Variants in FETUB observed in about 807,000 individuals in gnomAD.
FETUB encodes the protein fetuin-B.
A neutral mutation model predicts 30.9 loss-of-function variants in FETUB; 28 were observed. The ratio of observed to expected loss-of-function variants is 0.90; its 90% confidence interval spans 0.67 to 1.24. FETUB has a LOEUF of 1.24. FETUB is among the 50% of genes most tolerant of loss of function. The pLI is 0.00. For synonymous variants in FETUB, 186 were observed against 175.9 expected, an observed-to-expected ratio of 1.06 and a Z score of -0.45; for missense variants, 469 against 455.3, an observed-to-expected ratio of 1.03 and a Z score of -0.27.
chr3:186,636,675 C>T (rs558605022), upstream of FETUB, among the ~76,000 whole-genome samples: 4 of 152,274 alleles, frequency 2.6e-5, no homozygotes, highest in African/African-American at 4.8e-5. Flanking sequence ...CACAAGGTAG[C>T]CCTGAGGCTA....
At chr3:186,640,389 A>T, upstream of FETUB, 2 of 1,218,428 alleles carry the variant, frequency 1.6e-6, no homozygotes, top group Non-Finnish European at 2.4e-6. Context: ...AGTCTGCCTT[A>T]AAGAGCCTTA....
At position 186,652,858 on chromosome 3, in the gene FETUB, C is replaced by T. The variant is rs558260095; in HGVS notation, c.*227C>T. On this transcript the variant is annotated 3_prime_UTR_variant, in exon 7 of 7. Coordinates refer to ENST00000265029, the MANE Select transcript of FETUB (RefSeq NM_014375.3). The stretch of plus-strand genomic sequence containing the variant: ...CTGCCTTGTACCCTGAGCTGCATCA[C>T]CTCCTAAACTGAGCAGTCTCATACC... 2.1e-6 allele frequency: 1 copy of T among 469,774 alleles called. No homozygotes were observed. Among genetic ancestry groups the T allele is most frequent in the South Asian group, 4.8e-5 (1 of 20,788 alleles). 29.1% of individuals were successfully genotyped at this position (469,774 alleles called of 1,614,324 possible).
Position 186,640,724 on chromosome 3 carries a change from G to A in FETUB, c.225+39G>A, listed in dbSNP as rs368896411. On this transcript the variant is annotated intron_variant, in intron 1 of 6. Coordinates refer to ENST00000265029, the MANE Select transcript of FETUB (RefSeq NM_014375.3). ...GTTCCCACTCTGGGGCAGGGATGTGGGCAAGCTGGAGAGACTGGCCAGGGT... is the reference window on the plus strand; with the variant it reads ...GTTCCCACTCTGGGGCAGGGATGTGAGCAAGCTGGAGAGACTGGCCAGGGT... 2.8e-5 allele frequency: 43 copies of A among 1,554,644 alleles called. No homozygotes were observed. In the African/African-American group the frequency reaches 5.7e-4, roughly 21 times the overall value.
chr3:186,648,860 T>C (rs967977130), intron 5 of FETUB, among the ~76,000 whole-genome samples: 8 of 152,250 alleles, frequency 5.3e-5, no homozygotes, highest in African/African-American at 1.9e-4. Flanking sequence ...TATTATAACC[T>C]TGATGAACTC....
At chr3:186,640,343 C>G, upstream of FETUB, 1 of 733,934 alleles carries the variant, frequency 1.4e-6, no homozygotes, top group South Asian at 1.6e-5. Flanking sequence ...TCAAGGTGAA[C>G]TTGGTTAGCC....
chr3:186,650,002 A>G (rs759077557), intron 5 of FETUB, among the ~76,000 whole-genome samples: 19 of 151,858 alleles, frequency 1.3e-4, no homozygotes, highest in Non-Finnish European at 2.5e-4. Context: ...GTGGTATTCC[A>G]TGGGTGTGTG....
intron 2 of FETUB, chr3:186,641,470 T>C (rs1404060624): frequency 4.7e-6 from 1 of 211,774 alleles, no homozygotes; most frequent in Non-Finnish European, 9.5e-6. Context: ...ATTCTGGACG[T>C]GGGGTTAATG....
chr3:186,651,108 T>A (rs535758519), intron 5 of FETUB, 110 bp from the exon 6 acceptor site: 2 of 721,116 alleles, frequency 2.8e-6, no homozygotes, highest in Non-Finnish European at 5.0e-6. Flanking sequence ...TGTTACATAG[T>A]AGAAGCATAA....
intron 5 of FETUB, among the ~76,000 whole-genome samples, chr3:186,649,852 C>T (rs1008540810): frequency 1.3e-5 from 2 of 152,134 alleles, no homozygotes; most frequent in Non-Finnish European, 2.9e-5. Flanking sequence ...TCCATGTATA[C>T]CCTTTCTTTA....
chr3:186,642,699 A>G, intron 3 of FETUB, 141 bp downstream of exon 3: 2 of 654,138 alleles, frequency 3.1e-6, no homozygotes, highest in Admixed American at 3.0e-5. Flanking sequence ...TATTTCCAGT[A>G]CTTACCTCCT....
In FETUB at chr3:186,652,362, T is replaced by TC; in HGVS notation, c.885dup (p.Ser296LeufsTer14). 3.8e-6 allele frequency: 6 copies of TC among 1,565,192 alleles called. No individual in the cohort carries two copies. Among genetic ancestry groups the TC allele is most frequent in the Non-Finnish European group, 5.3e-6 (6 of 1,142,650 alleles). On this transcript the variant is annotated frameshift_variant, in exon 7 of 7. Coordinates refer to ENST00000265029, the MANE Select transcript of FETUB (RefSeq NM_014375.3). LOFTEE classifies it low-confidence loss of function (END_TRUNC). ...GCAGAAAAACACCCCCCCAACAGAC[T>TC]CCCCCTCCAAAGCTGGGCCAAGAGG...
At chr3:186,643,591 C>T (rs966467376) in intron 3 of FETUB, among the ~76,000 whole-genome samples, 1 of 152,146 alleles carries the variant, frequency 6.6e-6, no homozygotes, top group Admixed American at 6.5e-5. Context: ...GTTTAAGGTT[C>T]CTGGTTGTGA....
At chr3:186,648,016 T>C (rs571143178) in intron 5 of FETUB, among the ~76,000 whole-genome samples, 1 of 151,862 alleles carries the variant, frequency 6.6e-6, no homozygotes, top group African/African-American at 2.4e-5. Flanking sequence ...GAAGACATAC[T>C]TCCCAAACTC....
chr3:186,636,773 ATTTACAG>A (rs1716787346), upstream of FETUB, among the ~76,000 whole-genome samples: 1 of 152,190 alleles, frequency 6.6e-6, no homozygotes, highest in East Asian at 1.9e-4. Flanking sequence ...AAACGACGTG[ATTTACAG>A]TTTTCGCCTT....
rs1487155193 is a variant in FETUB at position 186,646,251 on chromosome 3, G to A, written c.598G>A (p.Val200Met). 1.9e-6 allele frequency: 3 copies of A among 1,610,662 alleles called. No homozygotes were observed. Among genetic ancestry groups the A allele is most frequent in the East Asian group, 2.2e-5 (1 of 44,850 alleles). The change falls in exon 5 of 7, where the codon GTG becomes ATG. Residue 200 changes from valine to methionine, a missense_variant. Transcript: ENST00000265029. Reference protein sequence around the residue: ...FKVTRASSQWVVGPSYFVEYL... With the variant: ...FKVTRASSQWMVGPSYFVEYL... Reference sequence around the variant, plus strand: ...CTCAACTCTTGTCTCATAACAGTGGGTGGTCGGCCCTTCTTACTTTGTGGA... The same window carrying A: ...CTCAACTCTTGTCTCATAACAGTGGATGGTCGGCCCTTCTTACTTTGTGGA...
In FETUB at chr3:186,642,475, A is replaced by G. The variant is rs1359435479; in HGVS notation, c.341A>G (p.Tyr114Cys). 2 of 1,590,496 alleles carry G rather than the reference A, an allele frequency of 1.3e-6. No individual in the cohort carries two copies. The highest frequency in any genetic ancestry group is 1.7e-6 in the Non-Finnish European group (2 of 1,160,260). The change falls in exon 3 of 7, where the codon TAT becomes TGT. Residue 114 changes from tyrosine to cysteine, a missense_variant. Physicochemically the swap from Tyr to Cys is radical, Grantham distance 194. Coordinates refer to ENST00000265029, the MANE Select transcript of FETUB (RefSeq NM_014375.3). ...AAATGCATTTGTTGGTTTCAGGTTT[A>G]TGGTCAATGCAAAGCAATATTTTAT... is the stretch of plus-strand genomic sequence containing the variant. ...CGMRIFFESVYGQCKAIFYMN... is the reference protein window; with the variant it reads ...CGMRIFFESVCGQCKAIFYMN...
rs149523201 is a variant in FETUB at position 186,644,853 on chromosome 3, C to T, written c.527C>T (p.Ala176Val). 5.0e-5 allele frequency: 80 copies of T among 1,613,740 alleles called. No individual in the cohort carries two copies. Among genetic ancestry groups the T allele is most frequent in the South Asian group, 1.4e-4 (13 of 91,070 alleles). Residue 176 changes from alanine to valine, a missense_variant, in exon 4 of 7, where the codon GCG becomes GTG. Ala to Val is a moderately conservative substitution (Grantham distance 64, BLOSUM62 0). Coordinates refer to ENST00000265029, the MANE Select transcript of FETUB (RefSeq NM_014375.3). ...QVLEAATESL[A>V]KYNNENTSKQ... ...CTGGAGGCTGCCACCGAGTCTCTTG[C>T]GAAATACAACAATGAGAACACATCC...
chr3:186,646,863 C>T (rs865858382), intron 5 of FETUB, among the ~76,000 whole-genome samples: 2 of 152,314 alleles, frequency 1.3e-5, no homozygotes, highest in South Asian at 2.1e-4. Flanking sequence ...ATAATTCATA[C>T]GTTGTAAAAT....
At chr3:186,637,503 T>G (rs1353894608), upstream of FETUB, among the ~76,000 whole-genome samples, 1 of 152,178 alleles carries the variant, frequency 6.6e-6, no homozygotes, top group African/African-American at 2.4e-5. Context: ...CTGTCTGATC[T>G]CTCCCTGTTC....
Sources: allele counts gnomAD v4.1 joint callset (sites outside exome capture counted in the v4.1 genomes callset), GRCh38; gene constraint gnomAD v4.1.1; transcripts MANE v1.5; gene names NCBI Gene and HGNC (gene_info 2026-07-23, HGNC 2026-07-21).